GRIP1: variants seen among roughly 807,000 people sequenced by gnomAD.
GRIP1 encodes the protein glutamate receptor interacting protein 1, also known as glutamate receptor-interacting protein 1.
GRIP1 carries 45 observed loss-of-function variants against 129.9 expected under a neutral mutation model. That is an observed-to-expected ratio of 0.35 (90% CI 0.27 to 0.44). The LOEUF is 0.44. Among genes scored for constraint, GRIP1 ranks in the 20% least tolerant of loss-of-function variants. The pLI, the probability that GRIP1 is intolerant of heterozygous loss-of-function variation, is 1.00. For missense variants in GRIP1, 1,196 were observed against 1,396.8 expected, an observed-to-expected ratio of 0.86 and a Z score of 2.29; for synonymous variants, 530 against 520.8, an observed-to-expected ratio of 1.02 and a Z score of -0.24.
intron 23 of GRIP1, among the ~76,000 whole-genome samples, chr12:66,364,417 A>T (rs1017258256): frequency 1.3e-5 from 2 of 151,922 alleles, no homozygotes; most frequent in Non-Finnish European, 2.9e-5. Flanking sequence ...GGTCCTGCAA[A>T]CCTCCTTCCC....
intron 1 of GRIP1, among the ~76,000 whole-genome samples, chr12:66,775,668 A>C (rs2037956360): frequency 1.3e-5 from 2 of 151,706 alleles, no homozygotes. Context: ...ATGAAGATAA[A>C]AATTTTAAAT....
At chr12:66,500,350 T>C (rs2060357594) in intron 7 of GRIP1, among the ~76,000 whole-genome samples, 1 of 152,124 alleles carries the variant, frequency 6.6e-6, no homozygotes, top group African/African-American at 2.4e-5. Flanking sequence ...CAGAAAAACA[T>C]AGTAAAACCT....
intron 2 of GRIP1, among the ~76,000 whole-genome samples, chr12:66,542,186 T>TAAAC (rs1324682815): frequency 2.0e-5 from 3 of 151,932 alleles, no homozygotes; most frequent in African/African-American, 7.3e-5. Flanking sequence ...AGGTTGACAA[T>TAAAC]AGTCCAAATT....
chr12:66,619,421 A>AGG (rs1282281866), intron 1 of GRIP1, among the ~76,000 whole-genome samples: 5 of 152,108 alleles, frequency 3.3e-5, no homozygotes, highest in Non-Finnish European at 5.9e-5. Flanking sequence ...TTACGGGTAG[A>AGG]TTTCCTTGCC....
intron 1 of GRIP1, among the ~76,000 whole-genome samples, chr12:66,856,989 A>G (rs1294307171): frequency 6.6e-6 from 1 of 152,136 alleles, no homozygotes; most frequent in Non-Finnish European, 1.5e-5. Context: ...TCCAACAATG[A>G]TAGACTGGAT....
intron 2 of GRIP1, among the ~76,000 whole-genome samples, chr12:66,575,658 G>C (rs1488521522): frequency 6.6e-6 from 1 of 152,186 alleles, no homozygotes; most frequent in African/African-American, 2.4e-5. Context: ...TGCAAGAATG[G>C]TAGCTAAAAG....
chr12:66,435,560 A>G (rs1358698378), intron 13 of GRIP1, among the ~76,000 whole-genome samples: 1 of 152,194 alleles, frequency 6.6e-6, no homozygotes, highest in African/African-American at 2.4e-5. Flanking sequence ...GGAGGGGAGC[A>G]TACACATATT....
At chr12:66,617,310 T>G (rs1480196380) in intron 1 of GRIP1, among the ~76,000 whole-genome samples, 2 of 146,482 alleles carry the variant, frequency 1.4e-5, no homozygotes, top group Admixed American at 6.8e-5. Flanking sequence ...AAAAAAAAGA[T>G]GCTTGCAAGT....
chr12:67,048,473 T>C (rs942171913), intron 1 of GRIP1, among the ~76,000 whole-genome samples: 3 of 152,164 alleles, frequency 2.0e-5, no homozygotes, highest in Non-Finnish European at 4.4e-5. Flanking sequence ...TACATTTTTT[T>C]TTTTAAAGAT....
chr12:66,368,713 A>G (rs2055295366), intron 23 of GRIP1, among the ~76,000 whole-genome samples: 1 of 152,220 alleles, frequency 6.6e-6, no homozygotes, highest in Non-Finnish European at 1.5e-5. Flanking sequence ...GTAGTACCCC[A>G]GGGGAAGAGA....
intron 1 of GRIP1, among the ~76,000 whole-genome samples, chr12:66,837,952 G>C (rs1486259610): frequency 6.6e-6 from 1 of 152,190 alleles, no homozygotes; most frequent in Non-Finnish European, 1.5e-5. Flanking sequence ...CCAGCACTTT[G>C]GGAGGCCAAG....
At chr12:66,992,974 T>C (rs1278624102) in intron 1 of GRIP1, among the ~76,000 whole-genome samples, 1 of 151,792 alleles carries the variant, frequency 6.6e-6, no homozygotes, top group Non-Finnish European at 1.5e-5. Context: ...ATTAGCAGGG[T>C]GTGGTGGCAT....
intron 23 of GRIP1, among the ~76,000 whole-genome samples, chr12:66,357,446 T>C (rs2054548230): frequency 6.6e-6 from 1 of 152,206 alleles, no homozygotes; most frequent in South Asian, 2.1e-4. Context: ...GAACAGTTCA[T>C]AGGTGGCACA....
At chr12:66,896,924 C>G (rs1209886858) in intron 1 of GRIP1, among the ~76,000 whole-genome samples, 1 of 152,232 alleles carries the variant, frequency 6.6e-6, no homozygotes, top group Non-Finnish European at 1.5e-5. Flanking sequence ...TCCAGACACT[C>G]TTCCGAAGAC....
chr12:66,409,811 T>C (rs2057321648), intron 15 of GRIP1, among the ~76,000 whole-genome samples: 1 of 152,212 alleles, frequency 6.6e-6, no homozygotes, highest in African/African-American at 2.4e-5. Flanking sequence ...ATACAGATCA[T>C]AAATTCAGAA....
chr12:67,034,009 G>T (rs1053195812), intron 1 of GRIP1, among the ~76,000 whole-genome samples: 8 of 152,074 alleles, frequency 5.3e-5, no homozygotes, highest in Non-Finnish European at 8.8e-5. Context: ...AACTTAAATT[G>T]TTATTTAAAG....
intron 1 of GRIP1, among the ~76,000 whole-genome samples, chr12:66,667,624 G>C (rs1023398211): frequency 8.5e-5 from 13 of 152,092 alleles, no homozygotes; most frequent in Non-Finnish European, 1.5e-4. Flanking sequence ...CCAAGGCCTC[G>C]GGTGGGAGAC....
At chr12:66,417,648 T>C (rs1426250652) in intron 15 of GRIP1, among the ~76,000 whole-genome samples, 2 of 152,010 alleles carry the variant, frequency 1.3e-5, no homozygotes, top group Non-Finnish European at 2.9e-5. Flanking sequence ...ATGCCAACAG[T>C]GAACAATCTG....
chr12:66,412,780 T>C (rs534185839), intron 15 of GRIP1, among the ~76,000 whole-genome samples: 22 of 151,860 alleles, frequency 1.4e-4, no homozygotes, highest in Non-Finnish European at 2.8e-4. Flanking sequence ...CAAAATAAAG[T>C]GATGGAGTAA....
Sources: gnomAD v4.1 joint callset for allele counts (sites outside exome capture counted in the v4.1 genomes callset) on GRCh38, gnomAD v4.1.1 for gene constraint, MANE v1.5 for transcripts, NCBI Gene and HGNC (gene_info 2026-07-23, HGNC 2026-07-21) for gene names.